Variants in ARK2N observed in about 807,000 individuals in gnomAD.
ARK2N encodes arkadia (RNF111) N-terminal like PKA signaling regulator 2N, also known as protein ARK2N.
chr18:46,189,509 T>C, the ARK2N span, among the ~76,000 whole-genome samples: 34 of 152,304 alleles, frequency 2.2e-4, 1 homozygote, highest in East Asian at 6.2e-3. Flanking sequence ...CAGGCTGGCC[T>C]TAAATTTCTT....
chr18:46,245,191 C>G, the ARK2N span, among the ~76,000 whole-genome samples: 6 of 152,078 alleles, frequency 3.9e-5, no homozygotes, highest in African/African-American at 7.2e-5. Context: ...TTCTGCATCT[C>G]AAAGTGCTGG....
the ARK2N span, chr18:46,215,812 T>C: frequency 1.1e-5 from 16 of 1,407,902 alleles, no homozygotes; most frequent in Admixed American, 2.1e-5. Context: ...TTTGTACAGG[T>C]TGCTTTCCTG....
the ARK2N span, among the ~76,000 whole-genome samples, chr18:46,184,152 G>T: frequency 6.6e-6 from 1 of 152,112 alleles, no homozygotes; most frequent in East Asian, 1.9e-4. Flanking sequence ...CACCACGCTT[G>T]GCTAATTTTT....
the ARK2N span, among the ~76,000 whole-genome samples, chr18:46,175,263 C>A: frequency 6.6e-6 from 1 of 152,072 alleles, no homozygotes; most frequent in Non-Finnish European, 1.5e-5. Flanking sequence ...CTTTTGCTTT[C>A]TGAATCCTCT....
At chr18:46,193,591 GTTTTTTTTT>G in the ARK2N span, among the ~76,000 whole-genome samples, 2 of 92,398 alleles carry the variant, frequency 2.2e-5, no homozygotes, top group East Asian at 7.4e-4. Flanking sequence ...GCCCAGCCGG[GTTTTTTTTT>G]TTTTTTTTTT....
the ARK2N span, among the ~76,000 whole-genome samples, chr18:46,198,167 T>G: frequency 6.6e-6 from 1 of 151,658 alleles, no homozygotes; most frequent in Non-Finnish European, 1.5e-5. Context: ...CCGGGTATGG[T>G]GGTGGCGCCT....
chr18:46,228,323 T>C, the ARK2N span, among the ~76,000 whole-genome samples: 1 of 152,326 alleles, frequency 6.6e-6, no homozygotes, highest in East Asian at 1.9e-4. Context: ...TTTCTATGCA[T>C]GTGTAAACTG....
the ARK2N span, among the ~76,000 whole-genome samples, chr18:46,247,838 A>G: frequency 6.6e-6 from 1 of 152,102 alleles, no homozygotes; most frequent in South Asian, 2.1e-4. Context: ...TACCTGCCTA[A>G]TTTTTGTATT....
At chr18:46,220,397 T>C in the ARK2N span, among the ~76,000 whole-genome samples, 7 of 152,230 alleles carry the variant, frequency 4.6e-5, no homozygotes, top group South Asian at 4.1e-4. Context: ...TCTTACCTCA[T>C]AGTTTTTTTC....
chr18:46,229,938 T>C, the ARK2N span, among the ~76,000 whole-genome samples: 2 of 150,320 alleles, frequency 1.3e-5, no homozygotes, highest in Non-Finnish European at 3.0e-5. Flanking sequence ...TTTGTTTGTT[T>C]GTTTTTGAGA....
chr18:46,233,668 C>A, the ARK2N span, among the ~76,000 whole-genome samples: 1 of 151,970 alleles, frequency 6.6e-6, no homozygotes, highest in Admixed American at 6.6e-5. Flanking sequence ...AATGGTAAAC[C>A]CTTCATGAAT....
the ARK2N span, among the ~76,000 whole-genome samples, chr18:46,234,100 A>G: frequency 8.5e-5 from 13 of 152,080 alleles, no homozygotes; most frequent in Non-Finnish European, 1.5e-4. Context: ...TTTCTTTTCA[A>G]ATTATTCTGC....
At chr18:46,177,494 C>T in the ARK2N span, among the ~76,000 whole-genome samples, 5 of 143,224 alleles carry the variant, frequency 3.5e-5, no homozygotes, top group African/African-American at 5.2e-5. Flanking sequence ...TACAGTGGCG[C>T]GGTCTTGGCT....
the ARK2N span, among the ~76,000 whole-genome samples, chr18:46,197,864 C>T: frequency 1.3e-5 from 2 of 152,108 alleles, no homozygotes; most frequent in South Asian, 2.1e-4. Flanking sequence ...GTACTTTCAC[C>T]TCTTTTATAT....
At chr18:46,226,899 C>T in the ARK2N span, among the ~76,000 whole-genome samples, 4 of 151,644 alleles carry the variant, frequency 2.6e-5, no homozygotes, top group Non-Finnish European at 4.4e-5. Context: ...CCTCTGCCTC[C>T]GGGGTTCAAG....
chr18:46,229,509 G>A, the ARK2N span, among the ~76,000 whole-genome samples: 14 of 151,606 alleles, frequency 9.2e-5, no homozygotes, highest in South Asian at 2.1e-4. Flanking sequence ...CACCACGCCC[G>A]GCTAATTTTT....
chr18:46,249,181 A>T, the ARK2N span, among the ~76,000 whole-genome samples: 1 of 152,074 alleles, frequency 6.6e-6, no homozygotes, highest in African/African-American at 2.4e-5. Context: ...GGCTTCATCC[A>T]GGCTCTCAGC....
At chr18:46,250,393 A>G in the ARK2N span, among the ~76,000 whole-genome samples, 5 of 151,062 alleles carry the variant, frequency 3.3e-5, no homozygotes, top group Admixed American at 6.6e-5. Flanking sequence ...TGGCACTGTA[A>G]CTCTATCCAT....
chr18:46,185,831 A>G, the ARK2N span, among the ~76,000 whole-genome samples: 29 of 152,240 alleles, frequency 1.9e-4, no homozygotes, highest in Admixed American at 6.5e-4. Flanking sequence ...TACTAAAAAT[A>G]CAAAAATTAG....
Sources: gnomAD v4.1 joint callset for allele counts (sites outside exome capture counted in the v4.1 genomes callset) on GRCh38, gnomAD v4.1.1 for gene constraint, MANE v1.5 for transcripts, NCBI Gene and HGNC (gene_info 2026-07-23, HGNC 2026-07-21) for gene names.